Variants in GPC6 observed in about 807,000 individuals in gnomAD.
The protein encoded by GPC6 is glypican 6.
Under a neutral mutation model 55.2 loss-of-function variants are expected in GPC6, and 14 were observed. The observed-to-expected ratio is 0.25, with a 90% confidence interval of 0.17 to 0.40. GPC6 has a LOEUF of 0.40. Ranked by LOEUF, GPC6 falls within the 10% of genes least tolerant of loss-of-function variation. The pLI is 1.00. For missense variants in GPC6, 641 were observed against 708.5 expected (o/e 0.90, Z 1.08); for synonymous variants, 278 against 259.6 (o/e 1.07, Z -0.68).
chr13:93,379,576 C>T (rs1449982390), intron 1 of GPC6, among the ~76,000 whole-genome samples: 1 of 152,048 alleles, frequency 6.6e-6, no homozygotes, highest in Non-Finnish European at 1.5e-5. Context: ...TTCATATATG[C>T]CTTGAATTTA....
chr13:93,228,629 GAGATAATCCTTTGGCTGCTAAAGA>G (rs1875903663), intron 1 of GPC6, among the ~76,000 whole-genome samples: 1 of 152,204 alleles, frequency 6.6e-6, no homozygotes, highest in Non-Finnish European at 1.5e-5. Context: ...GTGTCGGGGA[GAGATAATCCTTTGGCTGCTAAAGA>G]ACAGAACTGA....
intron 1 of GPC6, among the ~76,000 whole-genome samples, chr13:93,335,596 C>CA (rs1880016924): frequency 6.6e-6 from 1 of 152,116 alleles, no homozygotes; most frequent in African/African-American, 2.4e-5. Flanking sequence ...GACTGTAGGC[C>CA]AAATAGGTCC....
At chr13:93,451,152 A>G (rs1878209083) in intron 1 of GPC6, among the ~76,000 whole-genome samples, 1 of 152,234 alleles carries the variant, frequency 6.6e-6, no homozygotes, top group Non-Finnish European at 1.5e-5. Context: ...ATTGAGATAG[A>G]CAGCATGTGG....
chr13:94,071,159 G>A (rs1164045671), intron 4 of GPC6, among the ~76,000 whole-genome samples: 1 of 152,136 alleles, frequency 6.6e-6, no homozygotes, highest in Non-Finnish European at 1.5e-5. Context: ...CCATTTTCCA[G>A]CATTTGATTA....
rs1555331651 is a variant in GPC6, at chr13:93,789,522, T to TATATATATATAC, written c.320-40621_320-40620insCATATATATATA. ...CTCTCTCTCTCTCTATATATATATA[T>TATATATATATAC]ATATATATATATAGTCAGTTAATAT... On this transcript the variant is annotated intron_variant, in intron 2 of 8. Coordinates refer to ENST00000377047, the MANE Select transcript of GPC6 (RefSeq NM_005708.5). Among the ~76,000 whole-genome samples, 467 of 139,248 alleles carry TATATATATATAC rather than the reference T, an allele frequency of 3.4e-3. 13 individuals are homozygous for TATATATATATAC. Among genetic ancestry groups the TATATATATATAC allele is most frequent in the African/African-American group, 0.012 (446 of 37,712 alleles). The allele number at this position is 139,248 out of a possible 152,430, so 91.4% of individuals were successfully genotyped here.
intron 2 of GPC6, among the ~76,000 whole-genome samples, chr13:93,617,047 G>T (rs1878752773): frequency 6.6e-6 from 1 of 151,996 alleles, no homozygotes; most frequent in Non-Finnish European, 1.5e-5. Flanking sequence ...AACTGGAACT[G>T]TTTGAAAGGC....
intron 2 of GPC6, among the ~76,000 whole-genome samples, chr13:93,793,093 G>C (rs1886096878): frequency 6.6e-6 from 1 of 152,190 alleles, no homozygotes; most frequent in South Asian, 2.1e-4. Context: ...TCTAGTCTAT[G>C]ATAGACATTT....
intron 2 of GPC6, among the ~76,000 whole-genome samples, chr13:93,586,098 G>A (rs1307342076): frequency 6.6e-6 from 1 of 151,910 alleles, no homozygotes; most frequent in Non-Finnish European, 1.5e-5. Context: ...TATTTTTCCT[G>A]ATCCTCTCCT....
In GPC6 at chr13:93,719,450, C is replaced by A. The variant is rs908190320; in HGVS notation, c.320-110704C>A. On this transcript the variant is annotated intron_variant, in intron 2 of 8. Transcript: ENST00000377047. ...ATTGATTTTGTATCCTGAAACTTTG[C>A]TGAAGTTGCTTATCAGGTGAAGAAG... 2.6e-5 allele frequency among the ~76,000 whole-genome samples: 4 copies of A among 152,030 alleles called. No homozygotes were observed. In the East Asian group the frequency reaches 7.7e-4, roughly 29 times the overall value.
intron 2 of GPC6, among the ~76,000 whole-genome samples, chr13:93,789,328 T>G (rs1885916803): frequency 6.6e-6 from 1 of 151,554 alleles, no homozygotes; most frequent in Non-Finnish European, 1.5e-5. Context: ...CCTATGTATA[T>G]ACCTGATCCT....
intron 2 of GPC6, among the ~76,000 whole-genome samples, chr13:93,606,447 T>G (rs1594306037): frequency 6.6e-6 from 1 of 152,234 alleles, no homozygotes; most frequent in East Asian, 1.9e-4. Context: ...TTTATGTCTG[T>G]GTAATCATCA....
At chr13:93,408,030 G>C (rs1484722394) in intron 1 of GPC6, among the ~76,000 whole-genome samples, 1 of 152,000 alleles carries the variant, frequency 6.6e-6, no homozygotes, top group East Asian at 1.9e-4. Flanking sequence ...TTTTTCATAA[G>C]CTACAATACT....
At position 93,989,085 on chromosome 13, in the gene GPC6, A is replaced by G. The variant is rs112322685; in HGVS notation, c.712-38644A>G. ...AATGCTTTTCATACAATTGGAAAAA[A>G]AAGTGTAATCCAATGCTGGATATTT... On this transcript the variant is annotated intron_variant, in intron 3 of 8. Coordinates refer to ENST00000377047, the MANE Select transcript of GPC6 (RefSeq NM_005708.5). Among the ~76,000 whole-genome samples the G allele has an allele frequency of 7.5e-3, 1,145 of 152,278 alleles. 11 individuals are homozygous for G. The highest frequency in any genetic ancestry group is 0.031 in the Middle Eastern group (9 of 294).
At chr13:94,245,850 C>T (rs1366337364) in intron 4 of GPC6, among the ~76,000 whole-genome samples, 2 of 151,946 alleles carry the variant, frequency 1.3e-5, no homozygotes, top group Non-Finnish European at 2.9e-5. Flanking sequence ...TTGCAGATAC[C>T]TTTGTGAGGT....
intron 2 of GPC6, among the ~76,000 whole-genome samples, chr13:93,744,124 G>A (rs1884303947): frequency 1.3e-5 from 2 of 152,070 alleles, no homozygotes; most frequent in Admixed American, 6.5e-5. Flanking sequence ...TTGCCAATGT[G>A]TTTGTCACTA....
At chr13:93,398,393 G>T (rs1375279499) in intron 1 of GPC6, among the ~76,000 whole-genome samples, 11 of 152,116 alleles carry the variant, frequency 7.2e-5, no homozygotes, top group Non-Finnish European at 1.5e-4. Context: ...GGTGTGCTTT[G>T]TTTCATATGC....
At chr13:93,883,695 ATG>A (rs1875141381) in intron 3 of GPC6, among the ~76,000 whole-genome samples, 1 of 151,762 alleles carries the variant, frequency 6.6e-6, no homozygotes, top group South Asian at 2.1e-4. Context: ...TTAATCCTTC[ATG>A]TCATTTTGTC....
intron 2 of GPC6, among the ~76,000 whole-genome samples, chr13:93,632,302 A>G (rs1174267471): frequency 6.6e-6 from 1 of 152,058 alleles, no homozygotes; most frequent in Non-Finnish European, 1.5e-5. Context: ...TATTAACGGT[A>G]ATGAAATAAG....
Position 94,270,470 on chromosome 13 carries a change from G to T in GPC6, c.878-15879G>T, listed in dbSNP as rs151225375. On this transcript the variant is annotated intron_variant, in intron 4 of 8. Transcript: ENST00000377047. The stretch of plus-strand genomic sequence containing the variant: ...ATTGCTATTGAATTGAAAACAAAGG[G>T]TAAACATTGCATACATAGCCTGATC... Among the ~76,000 whole-genome samples, 22 of 152,262 alleles carry T rather than the reference G, an allele frequency of 1.4e-4. 1 individual carries two copies. The East Asian group carries it at 4.3e-3, about 29-fold the overall frequency.
Sources: allele counts gnomAD v4.1 joint callset (sites outside exome capture counted in the v4.1 genomes callset), GRCh38; gene constraint gnomAD v4.1.1; transcripts MANE v1.5; gene names NCBI Gene and HGNC (gene_info 2026-07-23, HGNC 2026-07-21).